Variants in CRACD observed in about 807,000 individuals in gnomAD.
CRACD encodes capping protein-inhibiting regulator of actin dynamics.
In CRACD, 56 loss-of-function variants were observed where a neutral mutation model predicts 106.8. The observed-to-expected ratio is 0.52, with a 90% CI of 0.42 to 0.66. The LOEUF (loss-of-function observed/expected upper bound fraction) is 0.66. Ranked by LOEUF, CRACD falls within the 30% of genes least tolerant of loss-of-function variation. The pLI is 0.00. For synonymous variants in CRACD, 754 were observed against 670.8 expected, an observed-to-expected ratio of 1.12 and a Z score of -1.92; for missense variants, 1,730 against 1,623.2, an observed-to-expected ratio of 1.07 and a Z score of -1.13.
chr4:56,191,948 A>G (rs1737387722), intron 2 of CRACD, among the ~76,000 whole-genome samples: 2 of 152,208 alleles, frequency 1.3e-5, no homozygotes, highest in African/African-American at 4.8e-5. Context: ...TGTTTTCACA[A>G]TACATCAGAC....
intron 1 of CRACD, among the ~76,000 whole-genome samples, chr4:56,136,852 C>G (rs1355705923): frequency 6.6e-6 from 1 of 152,124 alleles, no homozygotes; most frequent in East Asian, 1.9e-4. Flanking sequence ...AGACTTTCTT[C>G]TACATTTTTT....
intron 1 of CRACD, among the ~76,000 whole-genome samples, chr4:56,161,781 T>TTTTTTA (rs1735966985): frequency 6.9e-6 from 1 of 144,010 alleles, no homozygotes. Flanking sequence ...TTTTTTTTTT[T>TTTTTTA]GAGATGGAGT....
chr4:56,189,040 C>T (rs1295431808), intron 2 of CRACD, among the ~76,000 whole-genome samples: 1 of 152,032 alleles, frequency 6.6e-6, no homozygotes, highest in Non-Finnish European at 1.5e-5. Context: ...AAAAATTAGC[C>T]AGATGTGTGG....
At chr4:56,290,342 C>T (rs1045907940) in intron 3 of CRACD, among the ~76,000 whole-genome samples, 2 of 152,056 alleles carry the variant, frequency 1.3e-5, no homozygotes, top group Non-Finnish European at 2.9e-5. Flanking sequence ...AGCACAGAGC[C>T]CGGGGGATGA....
At chr4:56,162,434 C>G (rs547067545) in intron 1 of CRACD, among the ~76,000 whole-genome samples, 27 of 152,238 alleles carry the variant, frequency 1.8e-4, no homozygotes, top group South Asian at 8.3e-4. Flanking sequence ...GTCTTGAACT[C>G]TTGGTCTCAA....
chr4:56,115,516 T>C (rs1734248736), intron 1 of CRACD, among the ~76,000 whole-genome samples: 1 of 152,204 alleles, frequency 6.6e-6, no homozygotes, highest in Non-Finnish European at 1.5e-5. Context: ...ATGAAATTCA[T>C]TTAAAAATCA....
chr4:56,265,459 C>A (rs1468688073), intron 2 of CRACD, among the ~76,000 whole-genome samples: 2 of 148,198 alleles, frequency 1.3e-5, no homozygotes, highest in Non-Finnish European at 3.0e-5. Flanking sequence ...ATATATGGTA[C>A]CAAAGAAAAG....
chr4:56,314,995 T>C lies in CRACD; in HGVS notation c.1493T>C (p.Val498Ala). The change falls in exon 8 of 11, where the codon GTG (valine) becomes GCG (alanine). Residue 498 changes from valine (V) to alanine (A), a missense_variant. Around this residue, in one of 5 missense-constraint regions of CRACD, gnomAD observed 1,620 missense variants for 1,481.6 expected, o/e 1.09. Coordinates refer to ENST00000682029, the MANE Select transcript of CRACD (RefSeq NM_001393381.1). This position sits in a 1 kb window ranked among gnomAD's most constrained non-coding sequence, Gnocchi z 4.4. ...TEPLLKQEGPVEAAQPPVERK... is the reference protein window; with the variant it reads ...TEPLLKQEGPAEAAQPPVERK... ...CCTCTCCTGAAACAAGAGGGGCCGG[T>C]GGAAGCCGCGCAGCCTCCGGTGGAG... 3 of 1,586,394 alleles carry C rather than the reference T, an allele frequency of 1.9e-6. No homozygotes were observed. The highest frequency in any genetic ancestry group is 2.6e-6 in the Non-Finnish European group (3 of 1,167,648).
rs1384094262 is a variant in CRACD at position 56,324,211 on chromosome 4, G to A, written c.3486G>A (p.Arg1162=). ...AGAGGCCCGAGACTGCAGTGTCCAGGCTTGAGCGCAGAGAACAGCTGAAAA... is the reference window on the plus strand; with the variant it reads ...AGAGGCCCGAGACTGCAGTGTCCAGACTTGAGCGCAGAGAACAGCTGAAAA... The part of the protein sequence containing the change: ...EEKRPETAVS[R]LERREQLKKA... The change falls in exon 10 of 11, where the codon AGG becomes AGA. Residue 1162 remains arginine (R), a synonymous_variant. Coordinates refer to ENST00000682029, the MANE Select transcript of CRACD (RefSeq NM_001393381.1). 2 of 1,614,094 alleles carry A rather than the reference G, an allele frequency of 1.2e-6. No individual in the cohort carries two copies. Among genetic ancestry groups the A allele is most frequent in the African/African-American group, 2.7e-5 (2 of 74,940 alleles).
Position 56,316,258 on chromosome 4 carries a change from A to G in CRACD, c.2756A>G (p.Asp919Gly), listed in dbSNP as rs1364305882. The G allele has an allele frequency of 6.2e-7, 1 of 1,613,568 alleles. No individual in the cohort carries two copies. Among genetic ancestry groups the G allele is most frequent in the Non-Finnish European group, 8.5e-7 (1 of 1,179,718 alleles). ...AAGCAAGCCCCTTCCACCCGGAGGG[A>G]CTCCGCTGAACCTTCCAGCAGCCGC... The part of the protein sequence containing the change: ...ERKQAPSTRR[D>G]SAEPSSSRSV... The change falls in exon 8 of 11, where the codon GAC (aspartate) becomes GGC (glycine). Residue 919 changes from aspartate to glycine, a missense_variant. Around this residue, in one of 5 missense-constraint regions of CRACD, gnomAD observed 1,620 missense variants for 1,481.6 expected, o/e 1.09. Transcript: ENST00000682029.
At chr4:56,179,740 G>A (rs576843760) in intron 2 of CRACD, among the ~76,000 whole-genome samples, 6 of 152,216 alleles carry the variant, frequency 3.9e-5, no homozygotes, top group East Asian at 1.9e-4. Context: ...GTTATCACCC[G>A]GGTGCAGTGG....
chr4:56,272,830 T>C (rs1232849890), intron 3 of CRACD, among the ~76,000 whole-genome samples: 1 of 144,586 alleles, frequency 6.9e-6, no homozygotes, highest in Non-Finnish European at 1.5e-5. Flanking sequence ...ACCCAGGAGG[T>C]GGAGGTTGCA....
intron 3 of CRACD, among the ~76,000 whole-genome samples, chr4:56,276,720 A>G (rs1490573400): frequency 1.3e-5 from 2 of 152,184 alleles, no homozygotes. Context: ...CTCACTAGGG[A>G]GCTACTCATA....
At chr4:56,157,681 A>C (rs1735809728) in intron 1 of CRACD, among the ~76,000 whole-genome samples, 1 of 152,100 alleles carries the variant, frequency 6.6e-6, no homozygotes, top group African/African-American at 2.4e-5. Flanking sequence ...AACCATATGG[A>C]GTCGTTACTG....
At chr4:56,088,149 T>C (rs897776138) in intron 1 of CRACD, among the ~76,000 whole-genome samples, 30 of 136,788 alleles carry the variant, frequency 2.2e-4, no homozygotes, top group Non-Finnish European at 3.8e-4. Context: ...TTTTTTTTTT[T>C]CTTTTCAGCT....
chr4:56,298,471 G>A (rs2109721917), intron 4 of CRACD, 122 bp downstream of exon 4: 1 of 1,147,948 alleles, frequency 8.7e-7, no homozygotes, highest in Non-Finnish European at 1.2e-6. Flanking sequence ...CACTCCTGGT[G>A]AGAATTATTG....
chr4:56,220,619 T>C (rs1429394457), intron 2 of CRACD, among the ~76,000 whole-genome samples: 2 of 152,164 alleles, frequency 1.3e-5, no homozygotes, highest in Admixed American at 1.3e-4. Context: ...AGCCCGGCTT[T>C]TGATTTTTTT....
intron 1 of CRACD, among the ~76,000 whole-genome samples, chr4:56,095,480 A>G (rs1258857937): frequency 6.6e-6 from 1 of 152,216 alleles, no homozygotes; most frequent in Non-Finnish European, 1.5e-5. Flanking sequence ...AGAAGGTAAC[A>G]TCTGAGCAAA....
intron 2 of CRACD, among the ~76,000 whole-genome samples, chr4:56,206,654 T>C (rs1244087135): frequency 6.6e-6 from 1 of 152,200 alleles, no homozygotes; most frequent in Non-Finnish European, 1.5e-5. Context: ...TTAACGTGAG[T>C]CCATTTTGGT....
Sources: gnomAD v4.1 joint callset for allele counts (sites outside exome capture counted in the v4.1 genomes callset) on GRCh38, gnomAD v4.1.1 for gene constraint, gnomAD v4.1.1 regional missense constraint, Gnocchi (gnomAD v3.1) non-coding constraint, MANE v1.5 for transcripts, NCBI Gene and HGNC (gene_info 2026-07-23, HGNC 2026-07-21) for gene names.